The following SORCS2 variants were observed in gnomAD, a reference collection of about 807,000 sequenced individuals.
SORCS2 encodes the protein VPS10 domain-containing receptor SorCS2.
SORCS2 carries 100 observed loss-of-function variants against 141.6 expected under a neutral mutation model. The ratio of observed to expected loss-of-function variants is 0.71; its 90% CI spans 0.60 to 0.83. The LOEUF (loss-of-function observed/expected upper bound fraction) is 0.83. Among genes scored for constraint, SORCS2 ranks in the 40% least tolerant of loss-of-function variants. SORCS2 has a pLI of 0.00. For synonymous variants in SORCS2, 789 were observed against 676.9 expected, an observed-to-expected ratio of 1.17 and a Z score of -2.57; for missense variants, 1,646 against 1,560.2, an observed-to-expected ratio of 1.05 and a Z score of -0.93.
intron 1 of SORCS2, among the ~76,000 whole-genome samples, chr4:7,226,328 C>T (rs1377401401): frequency 3.2e-4 from 48 of 152,296 alleles, no homozygotes; most frequent in Admixed American, 3.1e-3. Flanking sequence ...GGATTGGAAC[C>T]TGGGCCTGTC....
intron 1 of SORCS2, among the ~76,000 whole-genome samples, chr4:7,377,344 C>A (rs1722725047): frequency 1.1e-5 from 1 of 90,658 alleles, no homozygotes; most frequent in African/African-American, 4.3e-5. Flanking sequence ...AGTTCCAGAA[C>A]TGGGGCTGTG....
intron 1 of SORCS2, among the ~76,000 whole-genome samples, chr4:7,279,517 A>G (rs1715722045): frequency 6.6e-6 from 1 of 152,244 alleles, no homozygotes; most frequent in South Asian, 2.1e-4. Context: ...GTAACGGCTC[A>G]AAATGCAGTT....
chr4:7,441,047 G>A lies in SORCS2; in HGVS notation c.548+44692G>A, dbSNP rs143493746. Among the ~76,000 whole-genome samples, 596 of 152,272 alleles carry A rather than the reference G, an allele frequency of 3.9e-3. 1 individual carries two copies. The highest frequency in any genetic ancestry group is 0.014 in the African/African-American group (575 of 41,550). ...GAGAGGTGGTGCTGTCGGTCCCTGG[G>A]AAGCAGGTGTGAGCTCAGCACTGGG... On this transcript the variant is annotated intron_variant, in intron 2 of 26. Transcript: ENST00000507866.
At position 7,387,687 on chromosome 4, in the gene SORCS2, CAG is replaced by C. The variant is rs1169171007; in HGVS notation, c.481-8597_481-8596del. The stretch of plus-strand genomic sequence containing the variant: ...ACACATGCACACACATACAGGTACA[CAG>C]AGATACACACGCACATGCACACACA... On this transcript the variant is annotated intron_variant, in intron 1 of 26. Transcript: ENST00000507866. 4.6e-3 allele frequency among the ~76,000 whole-genome samples: 658 copies of C among 143,704 alleles called. 9 individuals carry two copies. The highest frequency in any genetic ancestry group is 0.017 in the African/African-American group (615 of 36,618). 94.3% of individuals were successfully genotyped at this position (143,704 alleles called of 152,430 possible).
intron 2 of SORCS2, among the ~76,000 whole-genome samples, chr4:7,419,551 C>T (rs543874154): frequency 3.9e-5 from 6 of 152,330 alleles, no homozygotes; most frequent in Non-Finnish European, 5.9e-5. Context: ...ATTTGCAAAG[C>T]GTTGCAATAA....
chr4:7,193,969 C>T lies in SORCS2; in HGVS notation c.480+843C>T, dbSNP rs1275900398. Reference sequence around the variant, plus strand: ...GGTGCATGCAGGAGGCAGAGGGTCCCTTTAGATTATTCCCCTGGGGGCTGC... The same window carrying T: ...GGTGCATGCAGGAGGCAGAGGGTCCTTTTAGATTATTCCCCTGGGGGCTGC... On this transcript the variant is annotated intron_variant, in intron 1 of 26. Transcript: ENST00000507866. The surrounding 1 kb of genome is among the most constrained non-coding windows in gnomAD (Gnocchi z 4.8). Among the ~76,000 whole-genome samples, 1 of 152,144 alleles carries T rather than the reference C, an allele frequency of 6.6e-6. No homozygotes were observed. Among genetic ancestry groups the T allele is most frequent in the African/African-American group, 2.4e-5 (1 of 41,428 alleles).
rs141448970 is a variant in SORCS2, at chr4:7,588,203, G to A, written c.649-50125G>A. 1.6e-3 allele frequency among the ~76,000 whole-genome samples: 248 copies of A among 152,316 alleles called. 1 individual carries two copies. The highest frequency in any genetic ancestry group is 5.5e-3 in the African/African-American group (230 of 41,572). ...GCAAATCCTTTCTGTTCTCTGGGCC[G>A]CCAAACCGCATTGAGAGCCCATTTC... On this transcript the variant is annotated intron_variant, in intron 3 of 26. Transcript: ENST00000507866.
intron 1 of SORCS2, among the ~76,000 whole-genome samples, chr4:7,243,062 T>A (rs1250515921): frequency 6.6e-6 from 1 of 151,994 alleles, no homozygotes; most frequent in Non-Finnish European, 1.5e-5. Flanking sequence ...GAGGGTTGGC[T>A]CGGCGCCCTG....
At chr4:7,623,905 G>A (rs116364185) in intron 3 of SORCS2, among the ~76,000 whole-genome samples, 5,246 of 152,206 alleles carry the variant, frequency 0.034, 121 homozygotes, top group Middle Eastern at 0.095. Context: ...AGCAGCGCGC[G>A]TCCCATATCC....
In SORCS2 at chr4:7,434,160, C is replaced by G. The variant is rs146589550; in HGVS notation, c.548+37805C>G. On this transcript the variant is annotated intron_variant, in intron 2 of 26. Transcript: ENST00000507866. ...TGCAGAGCTCCTGCGGGGGGAGAAGCCTCAGTGCTTGGTCAGCAGGGACAA... is the reference window on the plus strand; with the variant it reads ...TGCAGAGCTCCTGCGGGGGGAGAAGGCTCAGTGCTTGGTCAGCAGGGACAA... 2.1e-3 allele frequency: 3,358 copies of G among 1,613,928 alleles called. 5 individuals are homozygous for G. The highest frequency in any genetic ancestry group is 2.6e-3 in the Non-Finnish European group (3,071 of 1,179,890).
intron 19 of SORCS2, among the ~76,000 whole-genome samples, chr4:7,724,169 G>GTGATAGTGGTGGTGGTGATGGTGATGA (rs1553808188): frequency 6.8e-6 from 1 of 147,474 alleles, no homozygotes; most frequent in Non-Finnish European, 1.5e-5. Context: ...GGTGATGGTG[G>GTGATAGTGGTGGTGGTGATGGTGATGA]TGATGGTGAT....
Position 7,193,825 on chromosome 4 carries a change from C to T in SORCS2, c.480+699C>T, listed in dbSNP as rs962356944. Among the ~76,000 whole-genome samples the T allele has an allele frequency of 6.6e-6, 1 of 152,200 alleles. No individual in the cohort carries two copies. The stretch of plus-strand genomic sequence containing the variant: ...ACTCCCTGCCCTCCCCCCACCTTCC[C>T]GGCTACTCTGGCTTTGCTCCAGCTG... On this transcript the variant is annotated intron_variant, in intron 1 of 26. Coordinates refer to ENST00000507866, the MANE Select transcript of SORCS2 (RefSeq NM_020777.3). The surrounding 1 kb of genome is among the most constrained non-coding windows in gnomAD (Gnocchi z 4.8).
At chr4:7,588,599 G>A (rs1018578794) in intron 3 of SORCS2, among the ~76,000 whole-genome samples, 68 of 152,164 alleles carry the variant, frequency 4.5e-4, no homozygotes, top group Admixed American at 6.5e-5. Context: ...GGGGAATCAC[G>A]TGGGCTGGCC....
At chr4:7,464,995 G>C (rs1729532790) in intron 2 of SORCS2, among the ~76,000 whole-genome samples, 2 of 152,264 alleles carry the variant, frequency 1.3e-5, no homozygotes, top group African/African-American at 2.4e-5. Context: ...TTTGCCCTAA[G>C]TGCTGGGGGT....
At chr4:7,267,481 T>C (rs982898651) in intron 1 of SORCS2, among the ~76,000 whole-genome samples, 3 of 152,062 alleles carry the variant, frequency 2.0e-5, no homozygotes, top group Non-Finnish European at 4.4e-5. Context: ...ACCCCAGCCC[T>C]GGCCCGTAAG....
At chr4:7,655,192 C>A (rs1210742544) in intron 5 of SORCS2, among the ~76,000 whole-genome samples, 3 of 148,788 alleles carry the variant, frequency 2.0e-5, no homozygotes, top group Admixed American at 2.0e-4. Context: ...ATTCCTCTTT[C>A]TTGTGCGTGT....
chr4:7,392,815 G>C (rs868399413), intron 1 of SORCS2, among the ~76,000 whole-genome samples: 6 of 152,028 alleles, frequency 3.9e-5, no homozygotes, highest in Middle Eastern at 3.2e-3. Context: ...TCTGCTGTGT[G>C]CGATGCCACA....
intron 3 of SORCS2, among the ~76,000 whole-genome samples, chr4:7,632,547 G>T (rs1359497894): frequency 6.6e-6 from 1 of 152,120 alleles, no homozygotes; most frequent in Non-Finnish European, 1.5e-5. Flanking sequence ...GGCCCAGATT[G>T]CTGGGCCCCA....
chr4:7,583,202 C>A (rs1295313364), intron 3 of SORCS2, among the ~76,000 whole-genome samples: 1 of 152,160 alleles, frequency 6.6e-6, no homozygotes, highest in Admixed American at 6.5e-5. Flanking sequence ...CAGGTGCCTT[C>A]TAGTGCCTGA....
Sources: gnomAD v4.1 joint callset for allele counts (sites outside exome capture counted in the v4.1 genomes callset) on GRCh38, gnomAD v4.1.1 for gene constraint, Gnocchi (gnomAD v3.1) non-coding constraint, MANE v1.5 for transcripts, NCBI Gene and HGNC (gene_info 2026-07-23, HGNC 2026-07-21) for gene names.